UBQLN1: variants seen among roughly 807,000 people sequenced by gnomAD.
UBQLN1 encodes the protein ubiquilin 1, also known as ubiquilin-1.
Under a neutral mutation model 65.4 loss-of-function variants are expected in UBQLN1, and 13 were observed. The observed-to-expected ratio is 0.20, with a 90% confidence interval of 0.13 to 0.32. The LOEUF is 0.32. UBQLN1 is among the 10% of genes least tolerant of loss of function. UBQLN1 has a pLI of 1.00. For synonymous variants in UBQLN1, 267 were observed against 247.8 expected (o/e 1.08, Z -0.73); for missense variants, 561 against 724.0 (o/e 0.77, Z 2.58).
chr9:83,703,465 T>A (rs1769455306), intron 1 of UBQLN1, among the ~76,000 whole-genome samples: 1 of 152,140 alleles, frequency 6.6e-6, no homozygotes, highest in South Asian at 2.1e-4. Flanking sequence ...GAATTTCATG[T>A]TTATATTTAG....
intron 1 of UBQLN1, among the ~76,000 whole-genome samples, chr9:83,692,722 A>G (rs1272167224): frequency 1.3e-5 from 2 of 152,020 alleles, no homozygotes; most frequent in Non-Finnish European, 2.9e-5. Context: ...CATGGTGGCA[A>G]ATGCCTGTAA....
chr9:83,663,937 C>T lies in UBQLN1; in HGVS notation c.1555G>A (p.Glu519Lys). 1 of 1,614,190 alleles carries T rather than the reference C, an allele frequency of 6.2e-7. No homozygotes were observed. Among genetic ancestry groups the T allele is most frequent in the Non-Finnish European group, 8.5e-7 (1 of 1,180,018 alleles). ...TGAATAAACTGCTGATGTCCAGGTT[C>T]AGTGGTTCCTGCTGTGGGACTTGTG... ...ENTSPTAGTT[E>K]PGHQQFIQQM... The change falls in exon 10 of 11, where the codon GAA (glutamate) becomes AAA (lysine). Residue 519 changes from glutamate to lysine, a missense_variant. By Grantham distance (56) the Glu-to-Lys change is moderately conservative. This residue lies in a region of UBQLN1 where 68 missense variants were observed against 62.2 expected (regional missense o/e 1.09). Coordinates refer to ENST00000376395, the MANE Select transcript of UBQLN1 (RefSeq NM_013438.5).
In UBQLN1 at chr9:83,669,310, G is replaced by A; in HGVS notation, c.1123C>T (p.Pro375Ser). The A allele has an allele frequency of 6.2e-7, 1 of 1,606,654 alleles. No individual in the cohort carries two copies. The highest frequency in any genetic ancestry group is 8.5e-7 in the Non-Finnish European group (1 of 1,178,580). Residue 375 changes from proline to serine, a missense_variant, in exon 7 of 11, where the codon CCA becomes TCA. By Grantham distance (74) the Pro-to-Ser change is moderately conservative. Coordinates refer to ENST00000376395, the MANE Select transcript of UBQLN1 (RefSeq NM_013438.5). ...TGTTGCAACAAGCTCTGCATTCCTG[G>A]TGTGTTGAACATACTAGCTGAAAGT... is the stretch of plus-strand genomic sequence containing the variant. The part of the protein sequence containing the change: ...PGVGASMFNT[P>S]GMQSLLQQIT...
At chr9:83,689,773 T>C (rs141488845) in intron 1 of UBQLN1, among the ~76,000 whole-genome samples, 7 of 152,264 alleles carry the variant, frequency 4.6e-5, no homozygotes, top group Non-Finnish European at 1.0e-4. Context: ...AAGAGACAAT[T>C]TGCAACACAA....
chr9:83,665,199 A>G, intron 8 of UBQLN1, 54 bp from the exon 9 acceptor site: 1 of 1,351,316 alleles, frequency 7.4e-7, no homozygotes, highest in Non-Finnish European at 1.0e-6. Flanking sequence ...AGTGAACGTA[A>G]ATTTTTAAAT....
At chr9:83,707,079 C>T (rs566727371) in intron 1 of UBQLN1, among the ~76,000 whole-genome samples, 2 of 152,290 alleles carry the variant, frequency 1.3e-5, no homozygotes, top group Admixed American at 1.3e-4. Context: ...CCCACCCACC[C>T]CTTTTTAATT....
At chr9:83,675,894 T>C (rs1831823835) in intron 6 of UBQLN1, among the ~76,000 whole-genome samples, 1 of 152,176 alleles carries the variant, frequency 6.6e-6, no homozygotes, top group East Asian at 1.9e-4. Flanking sequence ...CTCTTATCAG[T>C]AGATACAAGG....
At chr9:83,688,423 T>C (rs1022209231) in intron 1 of UBQLN1, among the ~76,000 whole-genome samples, 1 of 152,182 alleles carries the variant, frequency 6.6e-6, no homozygotes, top group Non-Finnish European at 1.5e-5. Flanking sequence ...TAAAACTAGA[T>C]TTGTGTTTCT....
chr9:83,690,467 C>T (rs996532252), intron 1 of UBQLN1, among the ~76,000 whole-genome samples: 3 of 152,180 alleles, frequency 2.0e-5, no homozygotes, highest in Non-Finnish European at 4.4e-5. Context: ...TCATGTTCTA[C>T]TTTCTCGACC....
chr9:83,698,856 G>A (rs1334912353), intron 1 of UBQLN1, among the ~76,000 whole-genome samples: 1 of 150,968 alleles, frequency 6.6e-6, no homozygotes, highest in Non-Finnish European at 1.5e-5. Flanking sequence ...GGAGGCTGCA[G>A]CAAGCCATGA....
chr9:83,669,312 G>A lies in UBQLN1; in HGVS notation c.1121C>T (p.Thr374Ile). 1 of 1,601,808 alleles carries A rather than the reference G, an allele frequency of 6.2e-7. No homozygotes were observed. The highest frequency in any genetic ancestry group is 8.5e-7 in the Non-Finnish European group (1 of 1,177,576). ...VPGVGASMFN[T>I]PGMQSLLQQI... is the part of the protein sequence containing the mutation. ...TTGCAACAAGCTCTGCATTCCTGGTGTGTTGAACATACTAGCTGAAAGTTT... is the reference window on the plus strand; with the variant it reads ...TTGCAACAAGCTCTGCATTCCTGGTATGTTGAACATACTAGCTGAAAGTTT... The change falls in exon 7 of 11, where the codon ACA becomes ATA. Residue 374 changes from threonine to isoleucine, a missense_variant. Thr to Ile is a moderately conservative substitution (Grantham distance 89). This residue lies in a region of UBQLN1 where 102 missense variants were observed against 150.7 expected (regional missense o/e 0.68). Coordinates refer to ENST00000376395, the MANE Select transcript of UBQLN1 (RefSeq NM_013438.5).
chr9:83,692,151 T>C (rs1001683665), intron 1 of UBQLN1, among the ~76,000 whole-genome samples: 19 of 152,222 alleles, frequency 1.2e-4, no homozygotes, highest in African/African-American at 4.3e-4. Flanking sequence ...TAAGTTTAAT[T>C]GTACCGTGCC....
At position 83,669,234 on chromosome 9, in the gene UBQLN1, A is replaced by T; in HGVS notation, c.1199T>A (p.Met400Lys). 1 of 1,612,180 alleles carries T rather than the reference A, an allele frequency of 6.2e-7. No individual in the cohort carries two copies. Among genetic ancestry groups the T allele is most frequent in the Non-Finnish European group, 8.5e-7 (1 of 1,179,634 alleles). ...LMQNMLSAPY[M>K]RSMMQSLSQN... Reference sequence around the variant, plus strand: ...GCTTAGTGACTGCATCATGCTTCTCATGTAGGGGGCAGACAACATGTTTTG... The same window carrying T: ...GCTTAGTGACTGCATCATGCTTCTCTTGTAGGGGGCAGACAACATGTTTTG... The change falls in exon 7 of 11, where the codon ATG becomes AAG. Residue 400 changes from methionine (M) to lysine (K), a missense_variant. Met to Lys is a moderately conservative substitution (Grantham distance 95). This residue lies in a region of UBQLN1 where 102 missense variants were observed against 150.7 expected (regional missense o/e 0.68). Transcript: ENST00000376395.
At position 83,689,684 on chromosome 9, in the gene UBQLN1, T is replaced by C. The variant is rs187728321; in HGVS notation, c.181-3529A>G. ...ATTGGAAAAGATGACCTAAGTGGGA[T>C]ACAAAAAGACCTAACCATTGTTTTA... On this transcript the variant is annotated intron_variant, in intron 1 of 10. Coordinates refer to ENST00000376395, the MANE Select transcript of UBQLN1 (RefSeq NM_013438.5). Among the ~76,000 whole-genome samples, 12 of 152,312 alleles carry C rather than the reference T, an allele frequency of 7.9e-5. 1 individual carries two copies. Among genetic ancestry groups the C allele is most frequent in the Admixed American group, 7.8e-4 (12 of 15,304 alleles).
chr9:83,686,853 G>A (rs1832048930), intron 1 of UBQLN1, among the ~76,000 whole-genome samples: 1 of 151,358 alleles, frequency 6.6e-6, no homozygotes, highest in Non-Finnish European at 1.5e-5. Context: ...TCCAACTTTG[G>A]ATTTTCAAAT....
In UBQLN1 at chr9:83,679,541, G is replaced by C. The variant is rs557423192; in HGVS notation, c.711+234C>G. Among the ~76,000 whole-genome samples, 25 of 152,100 alleles carry C rather than the reference G, an allele frequency of 1.6e-4. 1 individual carries two copies. Among genetic ancestry groups the C allele is most frequent in the Non-Finnish European group, 1.2e-4 (8 of 68,018 alleles). On this transcript the variant is annotated intron_variant, in intron 4 of 10. Coordinates refer to ENST00000376395, the MANE Select transcript of UBQLN1 (RefSeq NM_013438.5). ...AGTGAATTTCCCATCTCCAGCATTG[G>C]ACTTTTTGATTCTTAAGCCTTCAAA...
chr9:83,677,550 G>A lies in UBQLN1; in HGVS notation c.1105+177C>T, dbSNP rs143429279. The stretch of plus-strand genomic sequence containing the variant: ...GTACTCCAGCCTGTGCAACAAGAGC[G>A]AAGCTCTATCTCAAAAAAACAAAAC... On this transcript the variant is annotated intron_variant, in intron 6 of 10. Coordinates refer to ENST00000376395, the MANE Select transcript of UBQLN1 (RefSeq NM_013438.5). 6.3e-3 allele frequency among the ~76,000 whole-genome samples: 953 copies of A among 151,416 alleles called. 11 individuals are homozygous for A. Among genetic ancestry groups the A allele is most frequent in the African/African-American group, 0.022 (904 of 41,386 alleles).
intron 6 of UBQLN1, among the ~76,000 whole-genome samples, chr9:83,673,807 T>C (rs1564162621): frequency 6.6e-6 from 1 of 152,128 alleles, no homozygotes; most frequent in African/African-American, 2.4e-5. Flanking sequence ...CATACTGTTA[T>C]TTGTTTTGTT....
At chr9:83,682,207 C>T (rs1160733147) in intron 3 of UBQLN1, among the ~76,000 whole-genome samples, 1 of 152,024 alleles carries the variant, frequency 6.6e-6, no homozygotes, top group African/African-American at 2.4e-5. Context: ...ATCGCTTGAA[C>T]CCAGGAGGCA....
Sources: allele counts gnomAD v4.1 joint callset (sites outside exome capture counted in the v4.1 genomes callset), GRCh38; gene constraint gnomAD v4.1.1; regional missense constraint gnomAD v4.1.1; transcripts MANE v1.5; gene names NCBI Gene and HGNC (gene_info 2026-07-23, HGNC 2026-07-21).